Variants in SPOCK3 observed in about 807,000 individuals in gnomAD.
SPOCK3 encodes SPARC (osteonectin), cwcv and kazal like domains proteoglycan 3, also known as testican-3.
A neutral mutation model predicts 56.6 loss-of-function variants in SPOCK3; 30 were observed. The ratio of observed to expected loss-of-function variants is 0.53; its 90% CI spans 0.40 to 0.72. The LOEUF is 0.72. SPOCK3 is among the 30% of genes least tolerant of loss of function. The probability of loss-of-function intolerance (pLI) is 0.00; values close to 1 mark genes in which losing one functional copy is unlikely to be tolerated. For synonymous variants in SPOCK3, 196 were observed against 183.3 expected (o/e 1.07, Z -0.56); for missense variants, 527 against 530.0 (o/e 0.99, Z 0.06).
intron 2 of SPOCK3, among the ~76,000 whole-genome samples, chr4:167,115,404 C>T (rs1173783937): frequency 2.0e-5 from 3 of 149,956 alleles, no homozygotes; most frequent in African/African-American, 7.3e-5. Context: ...GAATGAAGCA[C>T]CAAAATAATA....
At chr4:167,199,694 AAAT>A (rs200479070) in intron 2 of SPOCK3, among the ~76,000 whole-genome samples, 34,700 of 141,322 alleles carry the variant, frequency 0.25, 4,237 homozygotes, top group African/African-American at 0.28. Flanking sequence ...TGTGTGAAAT[AAAT>A]AATAATAATA....
At chr4:166,745,042 G>A (rs998217546) in intron 8 of SPOCK3, among the ~76,000 whole-genome samples, 18 of 152,126 alleles carry the variant, frequency 1.2e-4, no homozygotes, top group Non-Finnish European at 2.6e-4. Flanking sequence ...GGGGAGAATG[G>A]AACCAAGTTG....
intron 3 of SPOCK3, among the ~76,000 whole-genome samples, chr4:167,058,388 C>T (rs901455560): frequency 1.3e-5 from 2 of 152,126 alleles, no homozygotes; most frequent in African/African-American, 4.8e-5. Flanking sequence ...CATTAGTGAA[C>T]TCCCATTCAT....
At chr4:166,796,187 C>G (rs1352754312) in intron 6 of SPOCK3, among the ~76,000 whole-genome samples, 2 of 152,160 alleles carry the variant, frequency 1.3e-5, no homozygotes, top group Non-Finnish European at 1.5e-5. Flanking sequence ...CTGTGGCATT[C>G]TGTTATTCTT....
chr4:167,184,532 T>C (rs1731788582), intron 2 of SPOCK3, among the ~76,000 whole-genome samples: 2 of 152,172 alleles, frequency 1.3e-5, no homozygotes, highest in Admixed American at 6.5e-5. Context: ...TTAAGTCTCA[T>C]CACTAAACTA....
At chr4:167,024,651 A>T (rs1056966220) in intron 3 of SPOCK3, among the ~76,000 whole-genome samples, 1 of 152,038 alleles carries the variant, frequency 6.6e-6, no homozygotes, top group Non-Finnish European at 1.5e-5. Context: ...GACATTATGC[A>T]GTCCCAAAGA....
chr4:166,958,388 T>G (rs1009236987), intron 4 of SPOCK3, among the ~76,000 whole-genome samples: 3 of 152,164 alleles, frequency 2.0e-5, no homozygotes, highest in Non-Finnish European at 4.4e-5. Flanking sequence ...TTTCTTATAA[T>G]TAAGCAGTCT....
intron 4 of SPOCK3, among the ~76,000 whole-genome samples, chr4:166,942,335 C>T (rs1741179378): frequency 6.6e-6 from 1 of 151,852 alleles, no homozygotes; most frequent in Non-Finnish European, 1.5e-5. Context: ...CTCAGCCTCC[C>T]AAGTAGCTGG....
At chr4:167,140,255 T>C (rs1460574540) in intron 2 of SPOCK3, among the ~76,000 whole-genome samples, 1 of 152,110 alleles carries the variant, frequency 6.6e-6, no homozygotes, top group East Asian at 1.9e-4. Flanking sequence ...ATATGCTCCA[T>C]CAACTCCATT....
intron 3 of SPOCK3, among the ~76,000 whole-genome samples, chr4:167,047,015 G>A (rs1441958305): frequency 1.3e-5 from 2 of 152,058 alleles, no homozygotes; most frequent in African/African-American, 2.4e-5. Context: ...GAGGACATAC[G>A]GATATAACTA....
At chr4:167,072,964 G>A (rs1467469231) in intron 2 of SPOCK3, among the ~76,000 whole-genome samples, 1 of 151,608 alleles carries the variant, frequency 6.6e-6, no homozygotes, top group Non-Finnish European at 1.5e-5. Context: ...TGCTTCTTAG[G>A]TTAGTAAATC....
intron 4 of SPOCK3, among the ~76,000 whole-genome samples, chr4:166,983,682 CATGAT>C: frequency 6.6e-6 from 1 of 151,886 alleles, no homozygotes; most frequent in Non-Finnish European, 1.5e-5. Flanking sequence ...AATATGTTAC[CATGAT>C]ATATGTATAA....
chr4:167,104,517 G>T (rs1477856178), intron 2 of SPOCK3, among the ~76,000 whole-genome samples: 1 of 152,010 alleles, frequency 6.6e-6, no homozygotes, highest in African/African-American at 2.4e-5. Context: ...CTTGAAGACA[G>T]GCTATTTAAA....
intron 4 of SPOCK3, among the ~76,000 whole-genome samples, chr4:166,929,880 T>A (rs1739536939): frequency 1.3e-5 from 2 of 152,088 alleles, no homozygotes; most frequent in African/African-American, 4.8e-5. Context: ...TTTGATTATA[T>A]GTATAATGTT....
chr4:166,755,368 G>T (rs1464498839), intron 7 of SPOCK3, among the ~76,000 whole-genome samples: 1 of 152,106 alleles, frequency 6.6e-6, no homozygotes, highest in Non-Finnish European at 1.5e-5. Flanking sequence ...GATAGAGCAG[G>T]TATAGAGAGA....
intron 6 of SPOCK3, among the ~76,000 whole-genome samples, chr4:166,843,760 T>G (rs1225099078): frequency 6.6e-6 from 1 of 152,196 alleles, no homozygotes; most frequent in African/African-American, 2.4e-5. Context: ...TAATTTGTTA[T>G]GCAATAAGAA....
intron 4 of SPOCK3, among the ~76,000 whole-genome samples, chr4:166,928,143 AC>A (rs1392401597): frequency 6.6e-6 from 1 of 152,208 alleles, no homozygotes; most frequent in Non-Finnish European, 1.5e-5. Context: ...GCAAAATGAT[AC>A]AGCAACTTTG....
chr4:166,827,416 C>T (rs1031879889), intron 6 of SPOCK3, among the ~76,000 whole-genome samples: 7 of 152,034 alleles, frequency 4.6e-5, no homozygotes, highest in African/African-American at 7.2e-5. Flanking sequence ...AAGCAGCCAA[C>T]GAATGGCAGT....
intron 3 of SPOCK3, among the ~76,000 whole-genome samples, chr4:167,049,440 C>G (rs918441962): frequency 6.6e-6 from 1 of 152,128 alleles, no homozygotes; most frequent in Non-Finnish European, 1.5e-5. Context: ...CAAACAAACA[C>G]ACTAGACTCG....
Sources: allele counts gnomAD v4.1 joint callset (sites outside exome capture counted in the v4.1 genomes callset), GRCh38; gene constraint gnomAD v4.1.1; transcripts MANE v1.5; gene names NCBI Gene and HGNC (gene_info 2026-07-23, HGNC 2026-07-21).